CRB1: variants seen among roughly 807,000 people sequenced by gnomAD.
CRB1 encodes the protein crumbs cell polarity complex component 1, also known as protein crumbs homolog 1.
A neutral mutation model predicts 120.0 loss-of-function variants in CRB1; 83 were observed. The observed-to-expected ratio is 0.69, with a 90% confidence interval of 0.58 to 0.83. The LOEUF is 0.83. Ranked by LOEUF, CRB1 falls within the 40% of genes least tolerant of loss-of-function variation. The pLI, the probability that CRB1 is intolerant of heterozygous loss-of-function variation, is 0.00. For synonymous variants in CRB1, 625 were observed against 612.5 expected (o/e 1.02, Z -0.30); for missense variants, 1,699 against 1,687.6 (o/e 1.01, Z -0.12).
intron 5 of CRB1, among the ~76,000 whole-genome samples, chr1:197,401,789 T>C (rs1048278685): frequency 3.9e-5 from 6 of 152,110 alleles, no homozygotes; most frequent in African/African-American, 1.4e-4. Flanking sequence ...TTATCATAAG[T>C]AGTATCTCTT....
the CRB1 span, among the ~76,000 whole-genome samples, chr1:197,225,748 A>G: frequency 5.9e-5 from 9 of 152,220 alleles, no homozygotes; most frequent in African/African-American, 2.2e-4. Context: ...ACAGCCAGAC[A>G]AGGCAGGAAC....
rs200669262 is a variant in CRB1, at chr1:197,356,847, G to A, written c.1005G>A (p.Gln335=). The A allele has an allele frequency of 3.7e-6, 6 of 1,614,210 alleles. No individual in the cohort carries two copies. In the South Asian group the frequency reaches 6.6e-5, roughly 18 times the overall value. The change falls in exon 5 of 12, where the codon CAG becomes CAA. Residue 335 remains glutamine, a synonymous_variant. Coordinates refer to ENST00000367400, the MANE Select transcript of CRB1 (RefSeq NM_201253.3). ...CHCWPGYTGA[Q]CEIDLNECNS... ...ATCATGCAGGATACACAGGTGCCCA[G>A]TGTGAGATCGACCTCAATGAATGCA...
rs765740058 is a variant in CRB1, at chr1:197,477,821, G to T, written c.4163G>T (p.Gly1388Val). 9.3e-6 allele frequency: 15 copies of T among 1,613,792 alleles called. No individual in the cohort carries two copies. In the South Asian group the frequency reaches 1.1e-4, roughly 12 times the overall value. ...AGCCCCAGCCGTCAGGAGAAGGAGGGCTCCCGAGTGGAAATGTGGAACTTG... is the reference window on the plus strand; with the variant it reads ...AGCCCCAGCCGTCAGGAGAAGGAGGTCTCCCGAGTGGAAATGTGGAACTTG... ...TYSPSRQEKEGSRVEMWNLMP... is the reference protein window; with the variant it reads ...TYSPSRQEKEVSRVEMWNLMP... Residue 1388 changes from glycine to valine, a missense_variant, in exon 12 of 12, where the codon GGC becomes GTC. Gly to Val is a moderately radical substitution (Grantham distance 109, BLOSUM62 -3). Coordinates refer to ENST00000367400, the MANE Select transcript of CRB1 (RefSeq NM_201253.3).
chr1:197,428,635 A>T (rs1664718449), intron 7 of CRB1, among the ~76,000 whole-genome samples: 1 of 152,242 alleles, frequency 6.6e-6, no homozygotes. Flanking sequence ...GCCCTACACT[A>T]AGCTTGGTTC....
chr1:197,446,577 G>T (rs144390795), intron 11 of CRB1, among the ~76,000 whole-genome samples: 2,371 of 152,348 alleles, frequency 0.016, 30 homozygotes, highest in Non-Finnish European at 0.025. Context: ...AAAATGTCAT[G>T]ATTATACTTG....
chr1:197,207,077 A>G, the CRB1 span, among the ~76,000 whole-genome samples: 2 of 151,992 alleles, frequency 1.3e-5, no homozygotes, highest in Non-Finnish European at 2.9e-5. Flanking sequence ...TTTGGTGTCC[A>G]TTTGCATGGA....
chr1:197,307,583 G>A (rs958699453), intron 1 of CRB1, among the ~76,000 whole-genome samples: 1 of 152,086 alleles, frequency 6.6e-6, no homozygotes, highest in Non-Finnish European at 1.5e-5. Context: ...TAAAATAATA[G>A]CCACATCCAA....
chr1:197,394,462 G>A (rs982499794), intron 5 of CRB1, among the ~76,000 whole-genome samples: 2 of 151,852 alleles, frequency 1.3e-5, no homozygotes, highest in Non-Finnish European at 1.5e-5. Flanking sequence ...TCAGGGGTCG[G>A]CATCCCAGCC....
chr1:197,205,798 T>A, the CRB1 span, among the ~76,000 whole-genome samples: 1 of 152,122 alleles, frequency 6.6e-6, no homozygotes, highest in East Asian at 1.9e-4. Context: ...TTTCTCTGTC[T>A]TGTGGAATAA....
chr1:197,204,627 TTTTTTC>T, the CRB1 span, among the ~76,000 whole-genome samples: 26 of 152,264 alleles, frequency 1.7e-4, no homozygotes, highest in South Asian at 3.7e-3. Flanking sequence ...TGATGGAATT[TTTTTTC>T]TTACCAATTT....
Position 197,306,910 on chromosome 1 carries a change from TGTTA to T in CRB1, c.71-21508_71-21505del, listed in dbSNP as rs1045770733. Among the ~76,000 whole-genome samples the T allele has an allele frequency of 2.6e-5, 4 of 152,336 alleles. No individual in the cohort carries two copies. The East Asian group carries it at 5.8e-4, about 22-fold the overall frequency. ...GATCTGTATTCTAGTCACATCATGT[TGTTA>T]GTTGTGTTTCTTAGCAGCACACTGA... is the stretch of plus-strand genomic sequence containing the variant. On this transcript the variant is annotated intron_variant, in intron 1 of 11. Coordinates refer to ENST00000367400, the MANE Select transcript of CRB1 (RefSeq NM_201253.3).
intron 11 of CRB1, among the ~76,000 whole-genome samples, chr1:197,447,987 T>G (rs1018969222): frequency 1.3e-5 from 2 of 152,096 alleles, no homozygotes; most frequent in African/African-American, 4.8e-5. Flanking sequence ...TATAATCCAC[T>G]GATAGATTTT....
chr1:197,413,122 C>G (rs1325685203), intron 5 of CRB1, among the ~76,000 whole-genome samples: 1 of 152,166 alleles, frequency 6.6e-6, no homozygotes, highest in Non-Finnish European at 1.5e-5. Context: ...CATGACCTCT[C>G]AGCTTATACT....
At chr1:197,295,363 C>T (rs1656459115) in intron 1 of CRB1, among the ~76,000 whole-genome samples, 1 of 151,846 alleles carries the variant, frequency 6.6e-6, no homozygotes, top group African/African-American at 2.4e-5. Context: ...AAGAGGCAGG[C>T]AAGAGCAAGG....
At chr1:197,429,647 T>A in intron 8 of CRB1, 33 bp downstream of exon 8, 1 of 1,608,848 alleles carries the variant, frequency 6.2e-7, no homozygotes, top group Non-Finnish European at 8.5e-7. Flanking sequence ...ATCTCACCAG[T>A]TAAGTTGCGA....
chr1:197,434,650 T>C, intron 8 of CRB1, 56 bp from the exon 9 acceptor site: 3 of 1,474,192 alleles, frequency 2.0e-6, no homozygotes, highest in South Asian at 1.1e-5. Context: ...ATAACGGTAA[T>C]TAAGCAAACT....
intron 6 of CRB1, among the ~76,000 whole-genome samples, chr1:197,426,812 C>G (rs895178307): frequency 2.6e-5 from 4 of 152,150 alleles, no homozygotes; most frequent in Non-Finnish European, 2.9e-5. Context: ...ATTTAATCAT[C>G]TAATTCTTGA....
intron 5 of CRB1, among the ~76,000 whole-genome samples, chr1:197,370,473 A>G (rs1196828340): frequency 6.6e-6 from 1 of 152,178 alleles, no homozygotes; most frequent in Non-Finnish European, 1.5e-5. Flanking sequence ...AATTGTATCA[A>G]GTACACTCTC....
chr1:197,305,736 A>T (rs538092884), intron 1 of CRB1, among the ~76,000 whole-genome samples: 1 of 152,028 alleles, frequency 6.6e-6, no homozygotes, highest in East Asian at 1.9e-4. Flanking sequence ...ATTCTTCTTG[A>T]GCTAAAACTA....
Sources: gnomAD v4.1 joint callset for allele counts (sites outside exome capture counted in the v4.1 genomes callset) on GRCh38, gnomAD v4.1.1 for gene constraint, MANE v1.5 for transcripts, NCBI Gene and HGNC (gene_info 2026-07-23, HGNC 2026-07-21) for gene names.